PXYLP1: variants seen among roughly 807,000 people sequenced by gnomAD.
PXYLP1 encodes the protein 2-phosphoxylose phosphatase 1.
Under a neutral mutation model 37.9 loss-of-function variants are expected in PXYLP1, and 17 were observed. The ratio of observed to expected loss-of-function variants is 0.45; its 90% CI spans 0.31 to 0.67. The LOEUF (loss-of-function observed/expected upper bound fraction) is 0.67, where lower values mean the gene tolerates loss of function less well. Ranked by LOEUF, PXYLP1 falls within the 30% of genes least tolerant of loss-of-function variation. PXYLP1 has a pLI of 0.07. For synonymous variants in PXYLP1, 221 were observed against 232.2 expected (o/e 0.95, Z 0.44); for missense variants, 511 against 612.0 (o/e 0.84, Z 1.74).
intron 1 of PXYLP1, among the ~76,000 whole-genome samples, chr3:141,237,779 C>T (rs16851167): frequency 0.044 from 6,756 of 152,240 alleles, 267 homozygotes; most frequent in Admixed American, 0.11. Flanking sequence ...ACATGAATGG[C>T]GGTGCAGATC....
At chr3:141,238,560 C>T (rs1940713475) in intron 1 of PXYLP1, among the ~76,000 whole-genome samples, 1 of 152,224 alleles carries the variant, frequency 6.6e-6, no homozygotes, top group Non-Finnish European at 1.5e-5. Flanking sequence ...ATCTTAGTGG[C>T]AACCAGCTTA....
At chr3:141,244,392 A>T (rs535345915) in intron 1 of PXYLP1, among the ~76,000 whole-genome samples, 13 of 151,858 alleles carry the variant, frequency 8.6e-5, no homozygotes, top group Non-Finnish European at 1.9e-4. Context: ...TGCACCCAAC[A>T]TACTATAAAA....
chr3:141,284,657 A>G (rs1315922754), intron 4 of PXYLP1, among the ~76,000 whole-genome samples: 1 of 152,192 alleles, frequency 6.6e-6, no homozygotes, highest in Non-Finnish European at 1.5e-5. Flanking sequence ...TGTACTTTAC[A>G]TCATCTCTAG....
chr3:141,262,656 T>C (rs1941420076), intron 2 of PXYLP1: 1 of 1,529,342 alleles, frequency 6.5e-7, no homozygotes, highest in African/African-American at 1.4e-5. Context: ...TCTGAGCTCT[T>C]TATTCTTGGA....
intron 2 of PXYLP1, among the ~76,000 whole-genome samples, chr3:141,267,129 C>T (rs1220312040): frequency 2.0e-5 from 3 of 152,196 alleles, no homozygotes; most frequent in African/African-American, 7.2e-5. Context: ...AGGAAGTGAG[C>T]TGCTCAGCTG....
Position 141,248,579 on chromosome 3 carries a change from G to A in PXYLP1, c.-53-11544G>A, listed in dbSNP as rs184232525. ...CACACGTGTATATATATACACACATGTATATATACACACACGTGTATATAT... is the reference window on the plus strand; with the variant it reads ...CACACGTGTATATATATACACACATATATATATACACACACGTGTATATAT... On this transcript the variant is annotated intron_variant, in intron 1 of 5. Coordinates refer to ENST00000286353, the MANE Select transcript of PXYLP1 (RefSeq NM_001037172.3). Among the ~76,000 whole-genome samples, 7 of 87,488 alleles carry A rather than the reference G, an allele frequency of 8.0e-5. 1 individual carries two copies. The highest frequency in any genetic ancestry group is 1.3e-4 in the Non-Finnish European group (6 of 47,548). The allele number at this position is 87,488 out of a possible 152,430, so 57.4% of individuals were successfully genotyped here.
At chr3:141,277,063 T>C (rs1941812738) in intron 2 of PXYLP1, among the ~76,000 whole-genome samples, 1 of 152,236 alleles carries the variant, frequency 6.6e-6, no homozygotes, top group Non-Finnish European at 1.5e-5. Context: ...GGGTCTCTTA[T>C]GGACTTTGGA....
intron 2 of PXYLP1, chr3:141,273,385 G>A (rs1220864227): frequency 3.0e-6 from 3 of 985,312 alleles, no homozygotes; most frequent in Non-Finnish European, 2.4e-6. Flanking sequence ...CTCTTCCTAG[G>A]TTGAGATCCA....
chr3:141,275,885 A>G (rs73232953), intron 2 of PXYLP1, among the ~76,000 whole-genome samples: 24,292 of 152,240 alleles, frequency 0.16, 2,791 homozygotes, highest in African/African-American at 0.31. Context: ...TGTGCTTACT[A>G]TAAATACATA....
chr3:141,293,057 C>T lies in PXYLP1; in HGVS notation c.1295C>T (p.Thr432Ile), dbSNP rs1942266845. The T allele has an allele frequency of 6.2e-7, 1 of 1,614,074 alleles. No individual in the cohort carries two copies. Among genetic ancestry groups the T allele is most frequent in the Admixed American group, 1.7e-5 (1 of 60,008 alleles). The change falls in exon 6 of 6, where the codon ACC becomes ATC. Residue 432 changes from threonine to isoleucine, a missense_variant. Physicochemically the swap from Thr to Ile is moderately conservative, Grantham distance 89. Coordinates refer to ENST00000286353, the MANE Select transcript of PXYLP1 (RefSeq NM_001037172.3). ...AATGGCGTCGATGTCACATTCCACACCTCTTTCTGCCAAGACCACCACAAG... is the reference window on the plus strand; with the variant it reads ...AATGGCGTCGATGTCACATTCCACATCTCTTTCTGCCAAGACCACCACAAG... ...LYNGVDVTFHTSFCQDHHKRS... is the reference protein window; with the variant it reads ...LYNGVDVTFHISFCQDHHKRS...
intron 2 of PXYLP1, chr3:141,273,085 G>A: frequency 1.0e-6 from 1 of 985,440 alleles, no homozygotes; most frequent in Non-Finnish European, 1.2e-6. Flanking sequence ...CCCCGTGCCT[G>A]AGAAGGCTAT....
At chr3:141,288,378 C>A (rs897126479) in intron 5 of PXYLP1, among the ~76,000 whole-genome samples, 4 of 152,070 alleles carry the variant, frequency 2.6e-5, no homozygotes, top group African/African-American at 9.7e-5. Context: ...TAGGTTTTGC[C>A]ATTATTATTG....
chr3:141,265,337 A>G (rs1941482254), intron 2 of PXYLP1, among the ~76,000 whole-genome samples: 1 of 140,546 alleles, frequency 7.1e-6, no homozygotes, highest in African/African-American at 2.9e-5. Context: ...ATGTTCCAAA[A>G]CCAAAAAAAA....
chr3:141,272,015 C>A (rs905730294), intron 2 of PXYLP1, among the ~76,000 whole-genome samples: 9 of 152,304 alleles, frequency 5.9e-5, no homozygotes, highest in African/African-American at 2.2e-4. Context: ...TTTCAAGGCA[C>A]CTGCAAGGAG....
At chr3:141,232,664 G>GTC (rs927930760) in intron 1 of PXYLP1, among the ~76,000 whole-genome samples, 2 of 151,604 alleles carry the variant, frequency 1.3e-5, no homozygotes, top group Non-Finnish European at 2.9e-5. Flanking sequence ...AGCTGGGTTT[G>GTC]TCACACACAC....
intron 1 of PXYLP1, among the ~76,000 whole-genome samples, chr3:141,247,765 A>G (rs1269234920): frequency 6.6e-6 from 1 of 152,248 alleles, no homozygotes. Context: ...GTATTAAGTA[A>G]GAAACTCCAT....
At chr3:141,262,566 G>C (rs1468661549) in intron 2 of PXYLP1, 1 of 1,272,508 alleles carries the variant, frequency 7.9e-7, no homozygotes, top group Non-Finnish European at 1.1e-6. Context: ...TCTTCTGAAA[G>C]TACCTTCTGT....
chr3:141,232,985 G>T (rs764278149), intron 1 of PXYLP1, among the ~76,000 whole-genome samples: 16 of 151,982 alleles, frequency 1.1e-4, no homozygotes, highest in Admixed American at 3.9e-4. Context: ...GTGGATGGGG[G>T]ATCGGAGAGT....
At chr3:141,251,684 C>G (rs1262154951) in intron 1 of PXYLP1, among the ~76,000 whole-genome samples, 1 of 152,224 alleles carries the variant, frequency 6.6e-6, no homozygotes, top group African/African-American at 2.4e-5. Flanking sequence ...CCATGCAGGC[C>G]AGCCTCCCTG....
Sources: gnomAD v4.1 joint callset for allele counts (sites outside exome capture counted in the v4.1 genomes callset) on GRCh38, gnomAD v4.1.1 for gene constraint, MANE v1.5 for transcripts, NCBI Gene and HGNC (gene_info 2026-07-23, HGNC 2026-07-21) for gene names.